Variants in ZNF532 observed in about 807,000 individuals in gnomAD.
ZNF532 encodes the protein zinc finger protein 532.
A neutral mutation model predicts 89.3 loss-of-function variants in ZNF532; 22 were observed. The observed-to-expected ratio is 0.25, with a 90% CI of 0.18 to 0.35. ZNF532 has a LOEUF of 0.35. Among genes scored for constraint, ZNF532 ranks in the 10% least tolerant of loss-of-function variants. The probability of loss-of-function intolerance (pLI) is 1.00; values close to 1 mark genes in which losing one functional copy is unlikely to be tolerated. For synonymous variants in ZNF532, 606 were observed against 649.6 expected (o/e 0.93, Z 1.02); for missense variants, 1,132 against 1,643.4 (o/e 0.69, Z 5.38).
chr18:58,906,018 G>T (rs1444909242), intron 2 of ZNF532, among the ~76,000 whole-genome samples: 1 of 152,182 alleles, frequency 6.6e-6, no homozygotes, highest in Non-Finnish European at 1.5e-5. Flanking sequence ...CGGAGGCAGT[G>T]TGCCATTCTC....
At chr18:58,888,811 AAAATT>A (rs2058599490) in intron 2 of ZNF532, among the ~76,000 whole-genome samples, 2 of 42,748 alleles carry the variant, frequency 4.7e-5, no homozygotes, top group Non-Finnish European at 7.2e-5. Flanking sequence ...ATATATATAA[AAAATT>A]ATATATATAA....
intron 2 of ZNF532, among the ~76,000 whole-genome samples, chr18:58,901,640 A>G (rs1384255848): frequency 1.3e-5 from 2 of 152,190 alleles, no homozygotes; most frequent in East Asian, 3.9e-4. Context: ...GAGGGAGAGA[A>G]GACAAATACA....
At chr18:58,868,595 G>A (rs2056693913) in intron 2 of ZNF532, among the ~76,000 whole-genome samples, 1 of 152,140 alleles carries the variant, frequency 6.6e-6, no homozygotes, top group Admixed American at 6.5e-5. Context: ...ATTCATCCAT[G>A]TTTCTCTGTG....
At chr18:58,968,675 G>A (rs1026121398) in intron 7 of ZNF532, among the ~76,000 whole-genome samples, 4 of 152,106 alleles carry the variant, frequency 2.6e-5, no homozygotes, top group African/African-American at 7.2e-5. Context: ...GAGGAGTGTC[G>A]TATCTCTCAT....
intron 6 of ZNF532, among the ~76,000 whole-genome samples, chr18:58,950,993 G>C (rs1157796883): frequency 6.7e-6 from 1 of 149,986 alleles, no homozygotes; most frequent in East Asian, 1.9e-4. Context: ...GTCTCACTCT[G>C]TTGCCCCGGT....
chr18:58,886,497 G>A (rs1177762059), intron 2 of ZNF532, among the ~76,000 whole-genome samples: 1 of 151,994 alleles, frequency 6.6e-6, no homozygotes, highest in Non-Finnish European at 1.5e-5. Flanking sequence ...AAAGGAATGT[G>A]CCAAAAACGA....
At chr18:58,939,268 A>AC (rs2062766062) in intron 4 of ZNF532, among the ~76,000 whole-genome samples, 177 bp from the exon 5 acceptor site, 1 of 147,974 alleles carries the variant, frequency 6.8e-6, no homozygotes, top group Non-Finnish European at 1.5e-5. Flanking sequence ...AAAAAAAAAA[A>AC]AAAAAAACCC....
At chr18:58,939,956 C>T (rs1262368832) in intron 5 of ZNF532, 7 of 164,076 alleles carry the variant, frequency 4.3e-5, no homozygotes, top group Non-Finnish European at 7.9e-5. Flanking sequence ...TGCAGTGGTG[C>T]GATCTTGGCT....
chr18:58,915,312 A>G (rs1241500548), intron 2 of ZNF532, among the ~76,000 whole-genome samples: 1 of 152,178 alleles, frequency 6.6e-6, no homozygotes, highest in Non-Finnish European at 1.5e-5. Context: ...GTGAACTAGG[A>G]TGACTGACTC....
chr18:58,961,903 C>T (rs2065384199), intron 7 of ZNF532, among the ~76,000 whole-genome samples: 1 of 152,096 alleles, frequency 6.6e-6, no homozygotes, highest in Non-Finnish European at 1.5e-5. Flanking sequence ...TGGCCAGATG[C>T]TCATCTGTAA....
chr18:58,945,966 T>G (rs2063615109), intron 5 of ZNF532, among the ~76,000 whole-genome samples: 1 of 152,128 alleles, frequency 6.6e-6, no homozygotes, highest in South Asian at 2.1e-4. Context: ...CCTGACCTTG[T>G]GATCCGCCTG....
intron 2 of ZNF532, among the ~76,000 whole-genome samples, chr18:58,885,726 C>CTACAGGTGGT (rs1257544046): frequency 6.6e-6 from 1 of 151,706 alleles, no homozygotes; most frequent in Non-Finnish European, 1.5e-5. Flanking sequence ...TGGTGGCAGG[C>CTACAGGTGGT]ACCTGTAATC....
rs552287416 is a variant in ZNF532, at chr18:58,985,657, C to T, written c.*1191C>T. On this transcript the variant is annotated 3_prime_UTR_variant, in exon 10 of 10. Transcript: ENST00000591808. ...TTTATTAAAATGCAGCAGAGGTACT[C>T]TTCTGTCCCTTCCGTTTATAGTTCT... 3 of 152,300 alleles carry T rather than the reference C, an allele frequency of 2.0e-5. No homozygotes were observed. Among genetic ancestry groups the T allele is most frequent in the African/African-American group, 7.2e-5 (3 of 41,398 alleles). 9.4% of individuals were successfully genotyped at this position (152,300 alleles called of 1,614,324 possible).
intron 3 of ZNF532, among the ~76,000 whole-genome samples, chr18:58,930,703 C>A (rs1055692627): frequency 6.6e-6 from 1 of 151,226 alleles, no homozygotes; most frequent in South Asian, 2.1e-4. Flanking sequence ...CCTTCAGATA[C>A]CAACATCTGA....
intron 2 of ZNF532, among the ~76,000 whole-genome samples, chr18:58,906,946 A>G (rs960011149): frequency 1.3e-5 from 2 of 152,232 alleles, no homozygotes. Context: ...AAAACTTATT[A>G]ATGTTAAATT....
Position 58,939,552 on chromosome 18 carries a change from T to C in ZNF532, c.2636T>C (p.Phe879Ser). 2 of 1,614,150 alleles carry C rather than the reference T, an allele frequency of 1.2e-6. No individual in the cohort carries two copies. The highest frequency in any genetic ancestry group is 1.7e-6 in the Non-Finnish European group (2 of 1,180,028). The change falls in exon 5 of 10, where the codon TTT becomes TCT. Residue 879 changes from phenylalanine (F) to serine (S), a missense_variant. Physicochemically the swap from Phe to Ser is radical, Grantham distance 155. Coordinates refer to ENST00000591808, the MANE Select transcript of ZNF532 (RefSeq NM_001375912.1). ...FYKCPICPMA[F>S]KSAPSTHSHA... ...AAGTGTCCTATTTGTCCAATGGCGT[T>C]TAAGTCTGCCCCAAGCACACATTCC... is the stretch of plus-strand genomic sequence containing the variant.
intron 2 of ZNF532, among the ~76,000 whole-genome samples, chr18:58,900,322 G>C (rs139347120): frequency 6.6e-6 from 1 of 152,302 alleles, no homozygotes; most frequent in East Asian, 1.9e-4. Context: ...TTAGGCTGTA[G>C]GGCTGGAGGA....
chr18:58,890,195 C>T (rs887181689), intron 2 of ZNF532, among the ~76,000 whole-genome samples: 31 of 151,148 alleles, frequency 2.1e-4, no homozygotes, highest in African/African-American at 6.6e-4. Flanking sequence ...TGCAGTGAGC[C>T]GAGATTTTGA....
At chr18:58,909,022 C>T (rs892481194) in intron 2 of ZNF532, among the ~76,000 whole-genome samples, 2 of 152,200 alleles carry the variant, frequency 1.3e-5, no homozygotes, top group East Asian at 1.9e-4. Flanking sequence ...GGTGCGATCT[C>T]GGCTCACTGC....
Sources: gnomAD v4.1 joint callset for allele counts (sites outside exome capture counted in the v4.1 genomes callset) on GRCh38, gnomAD v4.1.1 for gene constraint, MANE v1.5 for transcripts, NCBI Gene and HGNC (gene_info 2026-07-23, HGNC 2026-07-21) for gene names.